LINGO2: variants seen among roughly 807,000 people sequenced by gnomAD.
The protein encoded by LINGO2 is leucine rich repeat and Ig domain containing 2.
A neutral mutation model predicts 30.6 loss-of-function variants in LINGO2; 14 were observed. The ratio of observed to expected loss-of-function variants is 0.46; its 90% CI spans 0.30 to 0.72. The LOEUF (loss-of-function observed/expected upper bound fraction) is 0.72, where lower values mean the gene tolerates loss of function less well. Among genes scored for constraint, LINGO2 ranks in the 30% least tolerant of loss-of-function variants. The probability of loss-of-function intolerance (pLI) is 0.07; values close to 1 mark genes in which losing one functional copy is unlikely to be tolerated. For missense variants in LINGO2, 729 were observed against 751.7 expected (o/e 0.97, Z 0.35); for synonymous variants, 317 against 288.5 (o/e 1.10, Z -1.00).
At chr9:28,328,761 A>G (rs1377020775) in intron 3 of LINGO2, among the ~76,000 whole-genome samples, 1 of 152,142 alleles carries the variant, frequency 6.6e-6, no homozygotes, top group East Asian at 1.9e-4. Flanking sequence ...ATGGAACTCA[A>G]ATAAGTTATA....
intron 4 of LINGO2, among the ~76,000 whole-genome samples, chr9:28,055,934 G>A (rs1276455608): frequency 2.6e-5 from 4 of 152,156 alleles, no homozygotes; most frequent in Non-Finnish European, 4.4e-5. Context: ...CACTAAGACA[G>A]TTACTACTTG....
intron 1 of LINGO2, among the ~76,000 whole-genome samples, chr9:28,650,909 G>A (rs1420673151): frequency 6.6e-6 from 1 of 152,140 alleles, no homozygotes; most frequent in African/African-American, 2.4e-5. Flanking sequence ...TGAAAATTAT[G>A]GCTGGATGCG....
At chr9:28,380,389 G>GTTTT (rs199875137) in intron 2 of LINGO2, among the ~76,000 whole-genome samples, 2 of 30,906 alleles carry the variant, frequency 6.5e-5, no homozygotes, top group East Asian at 4.2e-4. Context: ...TGACTATAAA[G>GTTTT]GTTTTTTTTT....
intron 3 of LINGO2, among the ~76,000 whole-genome samples, chr9:28,357,320 C>A (rs1476899441): frequency 1.2e-4 from 2 of 16,492 alleles, no homozygotes; most frequent in Non-Finnish European, 3.7e-4. Flanking sequence ...ATAAAGCCCA[C>A]CCCCCCCAAA....
chr9:28,563,759 T>A (rs948746602), intron 1 of LINGO2, among the ~76,000 whole-genome samples: 1 of 152,140 alleles, frequency 6.6e-6, no homozygotes, highest in African/African-American at 2.4e-5. Context: ...TGATGCTCAA[T>A]CAGACATTTT....
rs541700722 is a variant in LINGO2 at position 28,173,944 on chromosome 9, C to T, written c.-87+121264G>A. 4.6e-5 allele frequency among the ~76,000 whole-genome samples: 7 copies of T among 152,156 alleles called. No individual in the cohort carries two copies. In the South Asian group the frequency reaches 1.5e-3, roughly 32 times the overall value. On this transcript the variant is annotated intron_variant, in intron 4 of 5. Transcript: ENST00000379992. ...GCAATCTCTGCTTTAAAATTGTATT[C>T]TTTATAGTCCACCAAGCTCAGTGAG... is the stretch of plus-strand genomic sequence containing the variant.
chr9:28,249,694 G>A (rs1012117888), intron 4 of LINGO2, among the ~76,000 whole-genome samples: 3 of 151,980 alleles, frequency 2.0e-5, no homozygotes, highest in Non-Finnish European at 4.4e-5. Context: ...TTAATGAGAC[G>A]GCAAGCATGC....
intron 4 of LINGO2, among the ~76,000 whole-genome samples, chr9:28,046,550 C>CA (rs1439437256): frequency 1.3e-5 from 2 of 152,178 alleles, no homozygotes; most frequent in Non-Finnish European, 2.9e-5. Context: ...TTAAACACTT[C>CA]AGAAGGTGAA....
the LINGO2 span, among the ~76,000 whole-genome samples, chr9:28,983,147 C>A: frequency 1.3e-5 from 2 of 151,964 alleles, no homozygotes; most frequent in East Asian, 3.9e-4. Context: ...GGGCCACAGC[C>A]TGTTTTCAGA....
In LINGO2 at chr9:27,948,689, C is replaced by T. The variant is rs900794002; in HGVS notation, c.*162G>A. ...GACACATGCCTGCCTGCCTGCCTTT[C>T]GATGGAGAGTCTCCATTGGAAGTCC... On this transcript the variant is annotated 3_prime_UTR_variant, in exon 6 of 6. Transcript: ENST00000379992. The T allele has an allele frequency of 3.7e-5, 29 of 788,068 alleles. No homozygotes were observed. The African/African-American group carries it at 4.3e-4, about 12-fold the overall frequency. The allele number at this position is 788,068 out of a possible 1,614,324, so 48.8% of individuals were successfully genotyped here. A position where few individuals can be genotyped will look rare whatever the true frequency, so the allele number is the denominator to read the frequency against.
the LINGO2 span, among the ~76,000 whole-genome samples, chr9:28,714,630 T>C: frequency 6.6e-6 from 1 of 152,102 alleles, no homozygotes; most frequent in Non-Finnish European, 1.5e-5. Flanking sequence ...GATAAAATCC[T>C]TTGTGTCAAG....
the LINGO2 span, among the ~76,000 whole-genome samples, chr9:28,807,166 A>G: frequency 2.6e-5 from 4 of 151,892 alleles, no homozygotes; most frequent in Admixed American, 2.6e-4. Context: ...CTGGGACTAC[A>G]GGGGCCTGTC....
chr9:28,490,754 T>C (rs562813305), intron 1 of LINGO2, among the ~76,000 whole-genome samples: 2 of 152,192 alleles, frequency 1.3e-5, no homozygotes. Flanking sequence ...AATACTGGGA[T>C]TGTATAAATT....
rs116235230 is a variant in LINGO2, at chr9:28,587,035, G to C, written c.-365+83165C>G. 9.9e-3 allele frequency among the ~76,000 whole-genome samples: 1,507 copies of C among 151,974 alleles called. 24 individuals carry two copies. Among genetic ancestry groups the C allele is most frequent in the African/African-American group, 0.032 (1,334 of 41,488 alleles). ...GTTATAGACAGATGGGATTCGTAAGGCTTCATACAGCTAGAAATCCCGCAC... is the reference window on the plus strand; with the variant it reads ...GTTATAGACAGATGGGATTCGTAAGCCTTCATACAGCTAGAAATCCCGCAC... On this transcript the variant is annotated intron_variant, in intron 1 of 5. Transcript: ENST00000379992.
chr9:28,232,753 A>G (rs1185958763), intron 4 of LINGO2, among the ~76,000 whole-genome samples: 5 of 151,292 alleles, frequency 3.3e-5, no homozygotes, highest in African/African-American at 7.3e-5. Context: ...TTGGACCACC[A>G]TTTCCCTACT....
the LINGO2 span, among the ~76,000 whole-genome samples, chr9:29,118,768 C>G: frequency 1.3e-5 from 2 of 152,140 alleles, no homozygotes; most frequent in Admixed American, 1.3e-4. Flanking sequence ...AATGGGCCCA[C>G]TGATACAGGT....
chr9:28,628,039 A>T (rs1826763839), intron 1 of LINGO2, among the ~76,000 whole-genome samples: 2 of 152,118 alleles, frequency 1.3e-5, no homozygotes, highest in South Asian at 4.2e-4. Context: ...ACCATTCTTC[A>T]TGGCTGTAGC....
intron 1 of LINGO2, among the ~76,000 whole-genome samples, chr9:28,645,136 T>C (rs560752946): frequency 2.1e-4 from 32 of 152,250 alleles, no homozygotes; most frequent in Admixed American, 3.9e-4. Context: ...ATCCAGCTTC[T>C]AGGTTTATAT....
At chr9:27,957,650 T>G (rs12353161) in intron 5 of LINGO2, among the ~76,000 whole-genome samples, 5,447 of 149,952 alleles carry the variant, frequency 0.036, 342 homozygotes, top group African/African-American at 0.13. Context: ...GTTCATCCAA[T>G]TTTTGTCTTC....
Sources: allele counts gnomAD v4.1 joint callset (sites outside exome capture counted in the v4.1 genomes callset), GRCh38; gene constraint gnomAD v4.1.1; transcripts MANE v1.5; gene names NCBI Gene and HGNC (gene_info 2026-07-23, HGNC 2026-07-21).